Variants in STK32B observed in about 807,000 individuals in gnomAD.
STK32B encodes the protein serine/threonine kinase 32B.
A neutral mutation model predicts 52.6 loss-of-function variants in STK32B; 43 were observed. That is an observed-to-expected ratio of 0.82 (90% CI 0.64 to 1.05). STK32B has a LOEUF of 1.05. Among genes scored for constraint, STK32B ranks in the 50% least tolerant of loss-of-function variants. The probability of loss-of-function intolerance (pLI) is 0.00; values close to 1 mark genes in which losing one functional copy is unlikely to be tolerated. For missense variants in STK32B, 621 were observed against 534.6 expected (o/e 1.16, Z -1.59); for synonymous variants, 238 against 204.3 (o/e 1.17, Z -1.41).
At chr4:5,271,328 A>G (rs958899586) in intron 3 of STK32B, among the ~76,000 whole-genome samples, 2 of 152,168 alleles carry the variant, frequency 1.3e-5, no homozygotes, top group African/African-American at 2.4e-5. Context: ...TGTACACTGA[A>G]TACCACAAAA....
At chr4:5,438,153 GGGC>G (rs1488674682) in intron 6 of STK32B, 2 of 984,472 alleles carry the variant, frequency 2.0e-6, no homozygotes, top group East Asian at 2.3e-4. Context: ...TGGAGCTTGT[GGGC>G]TGGCCCAGCA....
chr4:5,375,897 A>AG (rs1735557786), intron 4 of STK32B, among the ~76,000 whole-genome samples: 1 of 152,182 alleles, frequency 6.6e-6, no homozygotes, highest in Admixed American at 6.5e-5. Flanking sequence ...GGAAGGAAGT[A>AG]GGGGTTGGAG....
At position 5,467,133 on chromosome 4, in the gene STK32B, C is replaced by T. The variant is rs967060083; in HGVS notation, c.1041+299C>T. On this transcript the variant is annotated intron_variant, in intron 10 of 11. Coordinates refer to ENST00000282908, the MANE Select transcript of STK32B (RefSeq NM_018401.3). The surrounding 1 kb of genome is among the most constrained non-coding windows in gnomAD (Gnocchi z 5.8). ...TGAGAAAGATTTTGTACCGCAGAGGCCCCCAGGGCTGCACGATGACTTTTG... is the reference window on the plus strand; with the variant it reads ...TGAGAAAGATTTTGTACCGCAGAGGTCCCCAGGGCTGCACGATGACTTTTG... Among the ~76,000 whole-genome samples the T allele has an allele frequency of 6.5e-5, 8 of 123,716 alleles. No homozygotes were observed. Among genetic ancestry groups the T allele is most frequent in the Non-Finnish European group, 9.6e-5 (5 of 52,324 alleles). 81.2% of individuals were successfully genotyped at this position (123,716 alleles called of 152,430 possible). A position where few individuals can be genotyped will look rare whatever the true frequency, so the allele number is the denominator to read the frequency against.
At chr4:5,359,065 T>C (rs375246766) in intron 4 of STK32B, among the ~76,000 whole-genome samples, 31 of 152,322 alleles carry the variant, frequency 2.0e-4, no homozygotes, top group African/African-American at 6.7e-4. Context: ...ACTTCAAGTC[T>C]TCTTGTGCAG....
intron 3 of STK32B, among the ~76,000 whole-genome samples, chr4:5,317,182 A>AT (rs1423855200): frequency 2.6e-4 from 13 of 50,074 alleles, no homozygotes; most frequent in Admixed American, 3.3e-4. Flanking sequence ...CATATAATAT[A>AT]TATATATAAC....
chr4:5,316,839 T>A (rs372202850), intron 3 of STK32B, among the ~76,000 whole-genome samples: 1 of 764 alleles, frequency 1.3e-3, no homozygotes, highest in African/African-American at 6.8e-3. Flanking sequence ...TATTATATAT[T>A]ATATATAATA....
intron 6 of STK32B, 92 bp from the exon 7 acceptor site, chr4:5,446,578 AAAC>A: frequency 3.5e-6 from 4 of 1,139,252 alleles, no homozygotes; most frequent in South Asian, 2.9e-5. Context: ...AAAAAAAAAA[AAAC>A]AAGCTCAATT....
At chr4:5,334,925 G>A (rs143439742) in intron 4 of STK32B, among the ~76,000 whole-genome samples, 1 of 151,878 alleles carries the variant, frequency 6.6e-6, no homozygotes, top group South Asian at 2.1e-4. Context: ...CAAGGATATT[G>A]GTCTAAAATT....
rs114935033 is a variant in STK32B, at chr4:5,208,260, C to T, written c.260+39810C>T. Among the ~76,000 whole-genome samples, 1,156 of 152,266 alleles carry T rather than the reference C, an allele frequency of 7.6e-3. 4 individuals carry two copies. Among genetic ancestry groups the T allele is most frequent in the Non-Finnish European group, 0.012 (847 of 68,030 alleles). ...TCCCCATCAGTTAGTTACATGGCTT[C>T]CTCCAGCCACAGGGAGTCAGAAAAT... On this transcript the variant is annotated intron_variant, in intron 3 of 11. Transcript: ENST00000282908.
intron 3 of STK32B, among the ~76,000 whole-genome samples, chr4:5,251,686 A>G (rs919564889): frequency 6.6e-6 from 1 of 152,110 alleles, no homozygotes; most frequent in East Asian, 1.9e-4. Context: ...TTTTAACAAT[A>G]TTGATTCTTC....
chr4:5,099,438 G>GTT (rs1234566911), intron 1 of STK32B, among the ~76,000 whole-genome samples: 1 of 109,496 alleles, frequency 9.1e-6, no homozygotes, highest in Non-Finnish European at 1.8e-5. Flanking sequence ...TCCTCTGTGT[G>GTT]TGTGTGTGTG....
At chr4:5,170,407 C>T (rs1378196837) in intron 3 of STK32B, among the ~76,000 whole-genome samples, 2 of 152,092 alleles carry the variant, frequency 1.3e-5, no homozygotes, top group East Asian at 1.9e-4. Flanking sequence ...GTGCTGCACC[C>T]ATTAACTCGT....
At chr4:5,413,869 A>G (rs1443674509) in intron 5 of STK32B, among the ~76,000 whole-genome samples, 3 of 152,242 alleles carry the variant, frequency 2.0e-5, no homozygotes, top group Non-Finnish European at 2.9e-5. Context: ...GGCAAAGTGC[A>G]GAGAAATACA....
chr4:5,192,935 G>A (rs1721338159), intron 3 of STK32B, among the ~76,000 whole-genome samples: 1 of 152,158 alleles, frequency 6.6e-6, no homozygotes, highest in Non-Finnish European at 1.5e-5. Context: ...GACCTTTTTA[G>A]GAACACACAT....
At chr4:5,187,282 G>C (rs1720819180) in intron 3 of STK32B, among the ~76,000 whole-genome samples, 1 of 152,178 alleles carries the variant, frequency 6.6e-6, no homozygotes, top group African/African-American at 2.4e-5. Context: ...TTTCCCAAGG[G>C]TCTTCTGAAC....
intron 8 of STK32B, among the ~76,000 whole-genome samples, chr4:5,457,417 A>G (rs111769290): frequency 0.035 from 5,332 of 150,238 alleles, 334 homozygotes; most frequent in African/African-American, 0.12. Flanking sequence ...GGGTTTCACC[A>G]TGTTAGCCAG....
At chr4:5,354,941 C>T (rs1012250200) in intron 4 of STK32B, among the ~76,000 whole-genome samples, 2 of 152,134 alleles carry the variant, frequency 1.3e-5, no homozygotes, top group African/African-American at 4.8e-5. Flanking sequence ...TCCGCTGTAG[C>T]TGGCTTTGAT....
intron 3 of STK32B, among the ~76,000 whole-genome samples, chr4:5,211,413 A>G (rs527652547): frequency 1.3e-5 from 2 of 152,144 alleles, no homozygotes; most frequent in South Asian, 2.1e-4. Context: ...TTGGGGAGAA[A>G]TAGCAGTATC....
At chr4:5,127,018 A>G in intron 1 of STK32B, 2 of 463,102 alleles carry the variant, frequency 4.3e-6, no homozygotes, top group South Asian at 3.1e-5. Flanking sequence ...CATTACTCAC[A>G]TAATGCTCAG....
Sources: gnomAD v4.1 joint callset for allele counts (sites outside exome capture counted in the v4.1 genomes callset) on GRCh38, gnomAD v4.1.1 for gene constraint, Gnocchi (gnomAD v3.1) non-coding constraint, MANE v1.5 for transcripts, NCBI Gene and HGNC (gene_info 2026-07-23, HGNC 2026-07-21) for gene names.